ZNF423: variants seen among roughly 807,000 people sequenced by gnomAD.
ZNF423 encodes the protein zinc finger protein 423.
In ZNF423, 12 loss-of-function variants were observed where a neutral mutation model predicts 95.8. The ratio of observed to expected loss-of-function variants is 0.13; its 90% confidence interval spans 0.08 to 0.20. The LOEUF is 0.20. Among genes scored for constraint, ZNF423 ranks in the 10% least tolerant of loss-of-function variants. ZNF423 has a pLI of 1.00. For missense variants in ZNF423, 1,316 were observed against 1,737.1 expected, an observed-to-expected ratio of 0.76 and a Z score of 4.31; for synonymous variants, 749 against 711.9, an observed-to-expected ratio of 1.05 and a Z score of -0.83.
At position 49,543,260 on chromosome 16, in the gene ZNF423, G is replaced by A. The variant is rs867057353; in HGVS notation, c.3602-17766C>T. Among the ~76,000 whole-genome samples, 18 of 152,222 alleles carry A rather than the reference G, an allele frequency of 1.2e-4. No homozygotes were observed. In the Middle Eastern group the frequency reaches 0.01, roughly 86 times the overall value. Reference sequence around the variant, plus strand: ...GAATGTCTTTCTTCATCCCATGTTCGGCAACAATGCTGGGAGCCTGGCCTG... The same window carrying A: ...GAATGTCTTTCTTCATCCCATGTTCAGCAACAATGCTGGGAGCCTGGCCTG... On this transcript the variant is annotated intron_variant, in intron 5 of 7. Coordinates refer to ENST00000563137, the MANE Select transcript of ZNF423 (RefSeq NM_001379286.1).
intron 3 of ZNF423, among the ~76,000 whole-genome samples, chr16:49,682,714 A>G (rs1383855455): frequency 6.6e-6 from 1 of 152,012 alleles, no homozygotes. Flanking sequence ...CATCCCTGCT[A>G]CTCCCTGACT....
At chr16:49,825,968 T>G (rs1485651245) in intron 1 of ZNF423, among the ~76,000 whole-genome samples, 2 of 152,084 alleles carry the variant, frequency 1.3e-5, no homozygotes, top group East Asian at 3.9e-4. Flanking sequence ...CCCATTACTT[T>G]CGGAGGCCAA....
intron 5 of ZNF423, among the ~76,000 whole-genome samples, chr16:49,592,924 G>A (rs142433011): frequency 5.9e-5 from 9 of 152,342 alleles, no homozygotes; most frequent in Non-Finnish European, 1.0e-4. Context: ...AGATATGTTA[G>A]CAAGGTGTGG....
intron 3 of ZNF423, among the ~76,000 whole-genome samples, chr16:49,653,471 T>C (rs971249443): frequency 3.9e-4 from 60 of 152,288 alleles, no homozygotes; most frequent in African/African-American, 1.4e-3. Flanking sequence ...AAAATAATCC[T>C]CTGATTGGGA....
At chr16:49,806,443 C>T (rs1342660994) in intron 1 of ZNF423, among the ~76,000 whole-genome samples, 1 of 152,240 alleles carries the variant, frequency 6.6e-6, no homozygotes, top group East Asian at 1.9e-4. Context: ...CTTCTTTCCA[C>T]TTTCATTTGA....
chr16:49,652,814 A>T (rs1169921654), intron 3 of ZNF423, among the ~76,000 whole-genome samples: 1 of 152,124 alleles, frequency 6.6e-6, no homozygotes, highest in East Asian at 1.9e-4. Flanking sequence ...GTACCAAAAC[A>T]TCCCTTTTAT....
chr16:49,724,175 C>A (rs930374279), intron 3 of ZNF423, among the ~76,000 whole-genome samples: 11 of 152,196 alleles, frequency 7.2e-5, no homozygotes, highest in African/African-American at 2.4e-4. Context: ...GTCTTCCCCC[C>A]ACCATAATTG....
chr16:49,550,021 C>T (rs1011304285), intron 5 of ZNF423, among the ~76,000 whole-genome samples: 7 of 152,092 alleles, frequency 4.6e-5, no homozygotes, highest in Admixed American at 6.6e-5. Flanking sequence ...CACAGGCACA[C>T]GCCACCATGC....
chr16:49,824,240 C>T (rs2034981392), intron 1 of ZNF423, among the ~76,000 whole-genome samples: 1 of 152,158 alleles, frequency 6.6e-6, no homozygotes, highest in Non-Finnish European at 1.5e-5. Context: ...GCGTCTCCAG[C>T]CAGACACTGC....
chr16:49,496,351 G>T (rs1967165875), intron 7 of ZNF423, among the ~76,000 whole-genome samples: 1 of 152,174 alleles, frequency 6.6e-6, no homozygotes. Context: ...CCTAGTGGGA[G>T]GTGTTTAGGT....
intron 1 of ZNF423, among the ~76,000 whole-genome samples, chr16:49,835,136 G>A (rs1002940869): frequency 1.5e-4 from 23 of 152,076 alleles, no homozygotes; most frequent in Middle Eastern, 3.2e-3. Flanking sequence ...GCCTTGGGGG[G>A]CTCCCTCTTC....
At chr16:49,629,574 C>T (rs1469864724) in intron 4 of ZNF423, among the ~76,000 whole-genome samples, 2 of 152,170 alleles carry the variant, frequency 1.3e-5, no homozygotes, top group Admixed American at 1.3e-4. Flanking sequence ...GGGTCCAGGA[C>T]CCCCTCCACA....
intron 2 of ZNF423, among the ~76,000 whole-genome samples, chr16:49,776,234 A>G (rs529841613): frequency 4.6e-5 from 7 of 152,316 alleles, no homozygotes; most frequent in South Asian, 2.1e-4. Context: ...GCGGAGCTGG[A>G]GCAGCGGTCA....
chr16:49,497,232 T>TATCCATCCATCCATCC (rs773217573), intron 7 of ZNF423, among the ~76,000 whole-genome samples: 1 of 151,782 alleles, frequency 6.6e-6, no homozygotes, highest in African/African-American at 2.4e-5. Flanking sequence ...TCTATTCATC[T>TATCCATCCATCCATCC]ATCCATCCAT....
At chr16:49,527,365 G>A (rs575501473) in intron 5 of ZNF423, among the ~76,000 whole-genome samples, 8 of 152,326 alleles carry the variant, frequency 5.3e-5, no homozygotes, top group Non-Finnish European at 2.9e-5. Flanking sequence ...GGCTCAGCAC[G>A]CTCGCCCTGC....
At chr16:49,668,224 G>A (rs1410589893) in intron 3 of ZNF423, among the ~76,000 whole-genome samples, 2 of 152,168 alleles carry the variant, frequency 1.3e-5, no homozygotes, top group Non-Finnish European at 2.9e-5. Flanking sequence ...ATGCTGAGTA[G>A]GAGGTGGGAA....
intron 5 of ZNF423, among the ~76,000 whole-genome samples, chr16:49,586,467 A>G (rs1007715591): frequency 6.6e-6 from 1 of 152,338 alleles, no homozygotes; most frequent in South Asian, 2.1e-4. Flanking sequence ...ATTTTTTGCT[A>G]ATAGTTATGC....
intron 1 of ZNF423, among the ~76,000 whole-genome samples, chr16:49,795,123 C>G (rs1329138091): frequency 6.6e-6 from 1 of 152,194 alleles, no homozygotes; most frequent in Non-Finnish European, 1.5e-5. Context: ...CCACCTGCCT[C>G]AGCCTCCCAA....
rs990808634 is a variant in ZNF423, at chr16:49,489,314, C to T, written c.*1961G>A. On this transcript the variant is annotated 3_prime_UTR_variant, in exon 8 of 8. Transcript: ENST00000563137. Reference sequence around the variant, plus strand: ...TGGCTGTGGATGTGTGGCAGCCTCACTCAGACATAGCCCCAGCCCCAGGCC... The same window carrying T: ...TGGCTGTGGATGTGTGGCAGCCTCATTCAGACATAGCCCCAGCCCCAGGCC... The T allele has an allele frequency of 7.2e-5, 11 of 152,424 alleles. No individual in the cohort carries two copies. Among genetic ancestry groups the T allele is most frequent in the Non-Finnish European group, 1.3e-4 (9 of 68,256 alleles). 9.4% of individuals were successfully genotyped at this position (152,424 alleles called of 1,614,324 possible).
Sources: gnomAD v4.1 joint callset for allele counts (sites outside exome capture counted in the v4.1 genomes callset) on GRCh38, gnomAD v4.1.1 for gene constraint, MANE v1.5 for transcripts, NCBI Gene and HGNC (gene_info 2026-07-23, HGNC 2026-07-21) for gene names.